Variants in F9 observed in about 807,000 individuals in gnomAD.
F9 encodes coagulation factor IX.
A neutral mutation model predicts 34.1 loss-of-function variants in F9; 2 were observed. That is an observed-to-expected ratio of 0.06 (90% CI 0.02 to 0.18). The LOEUF is 0.18. F9 is among the 10% of genes least tolerant of loss of function. The pLI is 1.00. For synonymous variants in F9, 137 were observed against 118.8 expected, an observed-to-expected ratio of 1.15 and a Z score of -1.00; for missense variants, 216 against 345.1, an observed-to-expected ratio of 0.63 and a Z score of 2.96.
intron 1 of F9, among the ~76,000 whole-genome samples, chrX:139,532,570 T>C (rs1927366935): frequency 9.0e-6 from 1 of 111,505 alleles, no homozygotes; most frequent in East Asian, 2.8e-4. Flanking sequence ...ACTCCCTCTT[T>C]GATCTAAAGC....
intron 6 of F9, 27 bp from the exon 7 acceptor site, chrX:139,560,714 G>GT (rs1364246532): frequency 2.0e-6 from 2 of 1,016,366 alleles, no homozygotes; most frequent in East Asian, 6.1e-5. Context: ...GTATTATGCA[G>GT]TAAGAGTCTT....
chrX:139,547,049 G>T (rs1927733491), intron 4 of F9, among the ~76,000 whole-genome samples: 1 of 111,208 alleles, frequency 9.0e-6, no homozygotes, highest in Non-Finnish European at 1.9e-5. Flanking sequence ...TACACTACCA[G>T]ATGTCAAGAC....
intron 3 of F9, among the ~76,000 whole-genome samples, chrX:139,538,224 A>G (rs1437054043): frequency 8.9e-6 from 1 of 112,292 alleles, no homozygotes; most frequent in Admixed American, 9.5e-5. Flanking sequence ...TTATTGATAT[A>G]TTCCTAGCAC....
In F9 at chrX:139,562,349, TACTATGGTTCTCC is replaced by T; in HGVS notation, c.*286_*298del. 6.1e-6 allele frequency: 2 copies of T among 328,721 alleles called. No individual in the cohort carries two copies. The highest frequency in any genetic ancestry group is 1.1e-5 in the Non-Finnish European group (2 of 185,565). The allele number at this position is 328,721 out of a possible 1,213,427, so 27.1% of individuals were successfully genotyped here. On this transcript the variant is annotated 3_prime_UTR_variant, in exon 8 of 8. Coordinates refer to ENST00000218099, the MANE Select transcript of F9 (RefSeq NM_000133.4). ...TAAATTCTCCACTCTGTCCATCAGA[TACTATGGTTCTCC>T]ACTATGGCAACTAACTCACTCAATT...
intron 3 of F9, 33 bp from the exon 4 acceptor site, chrX:139,541,043 C>T (rs376942649): frequency 2.6e-5 from 28 of 1,057,863 alleles, no homozygotes; most frequent in East Asian, 2.3e-4. Context: ...AAGCAGTTTA[C>T]GTGCCAATTC....
intron 3 of F9, among the ~76,000 whole-genome samples, chrX:139,539,466 T>C (rs936162560): frequency 8.9e-6 from 1 of 112,286 alleles, no homozygotes; most frequent in Non-Finnish European, 1.9e-5. Flanking sequence ...ATCTTGTCTC[T>C]TGTTGTATTT....
intron 4 of F9, chrX:139,547,327 C>A (rs1471173750): frequency 3.6e-5 from 4 of 111,258 alleles, no homozygotes; most frequent in Non-Finnish European, 7.6e-5. Context: ...TCTTAAAATA[C>A]AAAAAGTGAT....
intron 3 of F9, among the ~76,000 whole-genome samples, chrX:139,538,128 T>C (rs747006940): frequency 2.7e-5 from 3 of 111,876 alleles, no homozygotes; most frequent in Non-Finnish European, 5.6e-5. Context: ...ATCATATAAT[T>C]TCTTACTCAT....
chrX:139,560,361 TC>T (rs1928070635), intron 6 of F9, among the ~76,000 whole-genome samples: 1 of 112,139 alleles, frequency 8.9e-6, no homozygotes, highest in Non-Finnish European at 1.9e-5. Flanking sequence ...TAACTATTAA[TC>T]TCAAGGAGTC....
Position 139,562,322 on chromosome X carries a change from G to A in F9, c.*251G>A. ...GCCCAGCCCTTGACAAAATTGTGAAGTTAAATTCTCCACTCTGTCCATCAG... is the reference window on the plus strand; with the variant it reads ...GCCCAGCCCTTGACAAAATTGTGAAATTAAATTCTCCACTCTGTCCATCAG... On this transcript the variant is annotated 3_prime_UTR_variant, in exon 8 of 8. Transcript: ENST00000218099. 8.1e-6 allele frequency: 3 copies of A among 368,745 alleles called. No individual in the cohort carries two copies. Among genetic ancestry groups the A allele is most frequent in the Non-Finnish European group, 1.4e-5 (3 of 210,420 alleles). 30.4% of individuals were successfully genotyped at this position (368,745 alleles called of 1,213,427 possible).
chrX:139,558,106 G>T (rs1300572607), intron 6 of F9, among the ~76,000 whole-genome samples: 2 of 113,196 alleles, frequency 1.8e-5, no homozygotes, highest in African/African-American at 6.4e-5. Context: ...CCCCCAGCGG[G>T]GACATGGGCA....
At chrX:139,535,053 T>C (rs182821408) in intron 1 of F9, among the ~76,000 whole-genome samples, 27 of 110,852 alleles carry the variant, frequency 2.4e-4, no homozygotes, top group Admixed American at 5.8e-4. Flanking sequence ...ATATGGCCAA[T>C]GAAGAGTTGA....
chrX:139,554,949 G>C (rs1927932507), intron 6 of F9, among the ~76,000 whole-genome samples: 1 of 111,981 alleles, frequency 8.9e-6, no homozygotes, highest in Non-Finnish European at 1.9e-5. Flanking sequence ...GAACAAACTA[G>C]AAATGGTTAG....
chrX:139,551,085 T>C lies in F9; in HGVS notation c.544T>C (p.Ser182Pro), dbSNP rs1433004372. 1 of 1,211,645 alleles carries C rather than the reference T, an allele frequency of 8.3e-7. No individual in the cohort carries two copies. The highest frequency in any genetic ancestry group is 2.3e-4 in the Middle Eastern group (1 of 4,353). Residue 182 changes from serine (S) to proline (P), a missense_variant, in exon 6 of 8, where the codon TCT becomes CCT. Ser to Pro is a moderately conservative substitution (Grantham distance 74). Around this residue, in one of 2 missense-constraint regions of F9, gnomAD observed 177 missense variants for 311.8 expected, o/e 0.57. Transcript: ENST00000218099. The stretch of plus-strand genomic sequence containing the variant: ...AGTGCCATTTCCATGTGGAAGAGTT[T>C]CTGTTTCACAAACTTCTAAGCTCAC... ...PAVPFPCGRV[S>P]VSQTSKLTRA... is the part of the protein sequence containing the mutation.
Position 139,562,463 on chromosome X carries a change from G to A in F9, c.*392G>A. 4.7e-6 allele frequency: 1 copy of A among 213,808 alleles called. No individual in the cohort carries two copies. The highest frequency in any genetic ancestry group is 6.5e-5 in the Admixed American group (1 of 15,376). 17.6% of individuals were successfully genotyped at this position (213,808 alleles called of 1,213,427 possible). ...CAAAACATCAATGTTTATTAGTTCT[G>A]TATACAGTACAGGATCTTTGGTCTA... is the stretch of plus-strand genomic sequence containing the variant. On this transcript the variant is annotated 3_prime_UTR_variant, in exon 8 of 8. Transcript: ENST00000218099.
chrX:139,550,910 T>C (rs760286256), intron 5 of F9, 152 bp from the exon 6 acceptor site: 12 of 469,243 alleles, frequency 2.6e-5, no homozygotes, highest in Admixed American at 2.3e-4. Flanking sequence ...CCTTTTAGCT[T>C]GAGACTCTAT....
intron 6 of F9, among the ~76,000 whole-genome samples, chrX:139,559,350 C>T (rs371767600): frequency 1.3e-4 from 15 of 112,118 alleles, no homozygotes; most frequent in African/African-American, 4.9e-4. Context: ...GTTGAGAGAT[C>T]GAGACCATCC....
chrX:139,550,899 A>T (rs1007778770), intron 5 of F9, among the ~76,000 whole-genome samples, 163 bp from the exon 6 acceptor site: 5 of 111,779 alleles, frequency 4.5e-5, no homozygotes, highest in Non-Finnish European at 9.4e-5. Context: ...AACGCAATCA[A>T]CCTTTTAGCT....
chrX:139,530,901 T>G, intron 1 of F9, 49 bp downstream of exon 1: 1 of 983,856 alleles, frequency 1.0e-6, no homozygotes, highest in Non-Finnish European at 1.5e-6. Context: ...CTTTTAGATA[T>G]AGAAATATCT....
Sources: allele counts gnomAD v4.1 joint callset (sites outside exome capture counted in the v4.1 genomes callset), GRCh38; gene constraint gnomAD v4.1.1; regional missense constraint gnomAD v4.1.1; transcripts MANE v1.5; gene names NCBI Gene and HGNC (gene_info 2026-07-23, HGNC 2026-07-21).